The following SLC25A20 variants were observed in gnomAD, a reference collection of about 807,000 sequenced individuals.
SLC25A20 encodes mitochondrial carnitine/acylcarnitine carrier protein.
A neutral mutation model predicts 39.7 loss-of-function variants in SLC25A20; 29 were observed. The observed-to-expected ratio is 0.73, with a 90% CI of 0.54 to 1.00. The LOEUF is 1.00. Among genes scored for constraint, SLC25A20 ranks in the 50% least tolerant of loss-of-function variants. The pLI is 0.00. For synonymous variants in SLC25A20, 103 were observed against 142.2 expected, an observed-to-expected ratio of 0.72 and a Z score of 1.96; for missense variants, 333 against 379.9, an observed-to-expected ratio of 0.88 and a Z score of 1.03.
chr3:48,875,144 C>T (rs1007680566), intron 4 of SLC25A20, among the ~76,000 whole-genome samples: 7 of 151,104 alleles, frequency 4.6e-5, no homozygotes, highest in Admixed American at 2.0e-4. Flanking sequence ...TGCTCTGTTG[C>T]CCAGGCTGGA....
intron 2 of SLC25A20, among the ~76,000 whole-genome samples, chr3:48,888,810 G>A (rs1202605924): frequency 6.6e-6 from 1 of 152,024 alleles, no homozygotes; most frequent in East Asian, 1.9e-4. Flanking sequence ...TTTAGGGCCA[G>A]GCGTGGTGGC....
intron 2 of SLC25A20, among the ~76,000 whole-genome samples, chr3:48,891,035 C>T (rs1053161557): frequency 6.6e-6 from 1 of 151,980 alleles, no homozygotes; most frequent in Non-Finnish European, 1.5e-5. Context: ...TGGTAGTGGT[C>T]CCCCCGGCCC....
At chr3:48,869,765 T>A (rs2083700563) in intron 4 of SLC25A20, among the ~76,000 whole-genome samples, 1 of 151,978 alleles carries the variant, frequency 6.6e-6, no homozygotes, top group Non-Finnish European at 1.5e-5. Flanking sequence ...TAAGCCGTTA[T>A]CAGACCACTA....
At position 48,883,215 on chromosome 3, in the gene SLC25A20, A is replaced by T. The variant is rs186858537; in HGVS notation, c.326+782T>A. ...GTCTCGAACAAACAAAAAAAAATTT[A>T]AAATTAAAAAAATTAAAAACTCAAG... On this transcript the variant is annotated intron_variant, in intron 3 of 8. Coordinates refer to ENST00000319017, the MANE Select transcript of SLC25A20 (RefSeq NM_000387.6). Among the ~76,000 whole-genome samples, 436 of 151,404 alleles carry T rather than the reference A, an allele frequency of 2.9e-3. 2 individuals carry two copies. Among genetic ancestry groups the T allele is most frequent in the African/African-American group, 1.0e-2 (413 of 41,302 alleles).
intron 5 of SLC25A20, among the ~76,000 whole-genome samples, chr3:48,859,853 T>G (rs956311498): frequency 6.6e-6 from 1 of 152,016 alleles, no homozygotes; most frequent in Non-Finnish European, 1.5e-5. Context: ...TAGTAATTTA[T>G]GTAGACTAAA....
chr3:48,861,950 C>A (rs2083631511), intron 5 of SLC25A20, among the ~76,000 whole-genome samples: 1 of 152,092 alleles, frequency 6.6e-6, no homozygotes, highest in African/African-American at 2.4e-5. Context: ...ATTGCTTGAA[C>A]CTGGGAGGCA....
intron 3 of SLC25A20, 60 bp from the exon 4 acceptor site, chr3:48,879,508 C>T (rs373859136): frequency 9.1e-7 from 1 of 1,097,496 alleles, no homozygotes. Context: ...GGACAGAGGC[C>T]AATCCCAGCA....
chr3:48,895,048 G>A (rs554560236), intron 1 of SLC25A20, among the ~76,000 whole-genome samples: 113 of 143,464 alleles, frequency 7.9e-4, no homozygotes, highest in African/African-American at 2.8e-3. Flanking sequence ...TTCACTCGTC[G>A]CCCAGGCTGC....
chr3:48,886,574 T>C (rs1006049664), intron 2 of SLC25A20, among the ~76,000 whole-genome samples: 1 of 151,724 alleles, frequency 6.6e-6, no homozygotes, highest in East Asian at 1.9e-4. Flanking sequence ...TAATAGTAAA[T>C]GTATATTATG....
intron 1 of SLC25A20, 95 bp downstream of exon 1, chr3:48,898,595 C>T (rs1396191006): frequency 1.4e-5 from 16 of 1,116,938 alleles, no homozygotes; most frequent in Non-Finnish European, 2.1e-5. Context: ...CACACATGCC[C>T]CTCTTCTGCC....
chr3:48,872,687 C>CAAAA (rs551848720), intron 4 of SLC25A20, among the ~76,000 whole-genome samples: 1 of 65,606 alleles, frequency 1.5e-5, no homozygotes, highest in East Asian at 4.7e-4. Flanking sequence ...CCCATCCTTA[C>CAAAA]AAAAAAAAAA....
chr3:48,894,265 T>G (rs1338440005), intron 1 of SLC25A20, among the ~76,000 whole-genome samples: 1 of 149,738 alleles, frequency 6.7e-6, no homozygotes, highest in African/African-American at 2.5e-5. Context: ...TTAATTGGAT[T>G]GTCTTTTTTT....
intron 1 of SLC25A20, among the ~76,000 whole-genome samples, chr3:48,897,064 TTTC>T (rs1391158648): frequency 2.1e-5 from 3 of 145,228 alleles, no homozygotes; most frequent in Admixed American, 7.6e-5. Context: ...ACTTCTTTTT[TTTC>T]TTCTTCTCCT....
intron 3 of SLC25A20, among the ~76,000 whole-genome samples, chr3:48,881,220 TCAAA>T (rs1202433004): frequency 6.6e-6 from 1 of 152,110 alleles, no homozygotes; most frequent in African/African-American, 2.4e-5. Flanking sequence ...AAGCTGACTG[TCAAA>T]CAGTCAAGAG....
chr3:48,861,265 A>C (rs1007884422), intron 5 of SLC25A20, among the ~76,000 whole-genome samples: 5 of 152,200 alleles, frequency 3.3e-5, no homozygotes, highest in African/African-American at 1.2e-4. Flanking sequence ...GCCCCCACAG[A>C]TTTCTTGAAT....
chr3:48,884,524 A>G (rs891977418), intron 2 of SLC25A20, among the ~76,000 whole-genome samples: 2 of 151,478 alleles, frequency 1.3e-5, no homozygotes, highest in Non-Finnish European at 2.9e-5. Flanking sequence ...TAATTTTTGT[A>G]TTTTTTGTAG....
At chr3:48,874,160 C>T (rs1341483309) in intron 4 of SLC25A20, among the ~76,000 whole-genome samples, 1 of 151,682 alleles carries the variant, frequency 6.6e-6, no homozygotes, top group Non-Finnish European at 1.5e-5. Context: ...GGCATGATGG[C>T]GCATGCCTGT....
chr3:48,878,365 A>C (rs2106652805), intron 4 of SLC25A20, among the ~76,000 whole-genome samples: 1 of 150,848 alleles, frequency 6.6e-6, no homozygotes, highest in Middle Eastern at 3.4e-3. Context: ...ACAGGGTCTC[A>C]CTCTGTCACC....
intron 4 of SLC25A20, among the ~76,000 whole-genome samples, chr3:48,866,800 T>C (rs953991729): frequency 1.3e-5 from 2 of 151,918 alleles, no homozygotes; most frequent in Admixed American, 6.6e-5. Context: ...CTATTTTTTT[T>C]TTCTTTTTTT....
Sources: allele counts gnomAD v4.1 joint callset (sites outside exome capture counted in the v4.1 genomes callset), GRCh38; gene constraint gnomAD v4.1.1; transcripts MANE v1.5; gene names NCBI Gene and HGNC (gene_info 2026-07-23, HGNC 2026-07-21).